Variants in LTBP1 observed in about 807,000 individuals in gnomAD.
LTBP1 encodes latent transforming growth factor beta binding protein 1.
LTBP1 carries 129 observed loss-of-function variants against 207.6 expected under a neutral mutation model. The ratio of observed to expected loss-of-function variants is 0.62; its 90% confidence interval spans 0.54 to 0.72. The LOEUF is 0.72. LTBP1 is among the 30% of genes least tolerant of loss of function. The pLI, the probability that LTBP1 is intolerant of heterozygous loss-of-function variation, is 0.00. For synonymous variants in LTBP1, 963 were observed against 833.7 expected (o/e 1.16, Z -2.67); for missense variants, 2,281 against 2,217.2 (o/e 1.03, Z -0.58).
At chr2:33,011,198 C>T (rs866244261) in intron 2 of LTBP1, among the ~76,000 whole-genome samples, 1 of 152,120 alleles carries the variant, frequency 6.6e-6, no homozygotes, top group African/African-American at 2.4e-5. Context: ...TACAGAAAGT[C>T]TGTACCAGTG....
chr2:32,949,621 T>C (rs1676801505), intron 2 of LTBP1, among the ~76,000 whole-genome samples: 1 of 152,242 alleles, frequency 6.6e-6, no homozygotes, highest in South Asian at 2.1e-4. Context: ...TTAAAATGTA[T>C]TTTGAGGTTC....
At chr2:33,164,641 G>T (rs937383273) in intron 5 of LTBP1, among the ~76,000 whole-genome samples, 2 of 152,102 alleles carry the variant, frequency 1.3e-5, no homozygotes, top group Non-Finnish European at 2.9e-5. Context: ...GACCCAAAAA[G>T]CTCTACTGGG....
intron 3 of LTBP1, among the ~76,000 whole-genome samples, chr2:33,062,608 A>G (rs1249300826): frequency 6.6e-6 from 1 of 152,156 alleles, no homozygotes; most frequent in African/African-American, 2.4e-5. Context: ...TCAGTTGACC[A>G]TATATATGTG....
intron 3 of LTBP1, among the ~76,000 whole-genome samples, chr2:33,030,357 C>A (rs749559948): frequency 2.0e-5 from 3 of 152,172 alleles, no homozygotes; most frequent in Non-Finnish European, 4.4e-5. Context: ...AACCATTTTC[C>A]CCTGCCCCAT....
At chr2:33,311,535 GAA>G (rs11450471) in intron 23 of LTBP1, among the ~76,000 whole-genome samples, 4 of 138,352 alleles carry the variant, frequency 2.9e-5, no homozygotes, top group African/African-American at 2.6e-5. Flanking sequence ...CCAAGAGATG[GAA>G]AAAAAAAAAA....
At chr2:33,348,184 C>G (rs1354607668) in intron 26 of LTBP1, among the ~76,000 whole-genome samples, 1 of 152,102 alleles carries the variant, frequency 6.6e-6, no homozygotes, top group Non-Finnish European at 1.5e-5. Context: ...CCTTTGAGAG[C>G]CAAGTAAAAT....
chr2:33,223,319 G>A (rs773354760), intron 9 of LTBP1, among the ~76,000 whole-genome samples: 4 of 152,248 alleles, frequency 2.6e-5, no homozygotes, highest in Middle Eastern at 3.4e-3. Flanking sequence ...TAACATAAAA[G>A]AATTTATTTA....
At chr2:33,122,830 T>C (rs1240483563) in intron 4 of LTBP1, among the ~76,000 whole-genome samples, 1 of 149,100 alleles carries the variant, frequency 6.7e-6, no homozygotes, top group African/African-American at 2.5e-5. Flanking sequence ...GCGTTCTGGG[T>C]TCTCTTGAGA....
At chr2:33,126,202 T>C (rs1426324832) in intron 4 of LTBP1, among the ~76,000 whole-genome samples, 4 of 152,200 alleles carry the variant, frequency 2.6e-5, no homozygotes, top group African/African-American at 9.6e-5. Flanking sequence ...ATGTAGTCTC[T>C]GAAGTTGCAA....
intron 12 of LTBP1, among the ~76,000 whole-genome samples, chr2:33,258,594 C>G (rs969198891): frequency 6.6e-6 from 1 of 152,196 alleles, no homozygotes; most frequent in Non-Finnish European, 1.5e-5. Flanking sequence ...CCCCTGGACA[C>G]TTAGTATCAT....
At chr2:33,381,048 A>G (rs2095208251) in intron 31 of LTBP1, among the ~76,000 whole-genome samples, 1 of 152,180 alleles carries the variant, frequency 6.6e-6, no homozygotes, top group South Asian at 2.1e-4. Context: ...CAGTTTGGAA[A>G]TTTAACATGC....
intron 2 of LTBP1, among the ~76,000 whole-genome samples, chr2:32,979,010 C>T (rs186810889): frequency 3.5e-4 from 53 of 151,980 alleles, no homozygotes; most frequent in Admixed American, 7.2e-4. Flanking sequence ...ATACTAGCCT[C>T]TAATCCTTTG....
At chr2:33,308,811 A>G (rs1045182486) in intron 22 of LTBP1, among the ~76,000 whole-genome samples, 6 of 152,168 alleles carry the variant, frequency 3.9e-5, no homozygotes, top group African/African-American at 1.2e-4. Flanking sequence ...ATTTTTTTCT[A>G]TAATGCATAA....
chr2:32,979,433 A>C (rs1572917751), intron 2 of LTBP1, among the ~76,000 whole-genome samples: 1 of 152,132 alleles, frequency 6.6e-6, no homozygotes, highest in East Asian at 1.9e-4. Flanking sequence ...ATTCCTTCTT[A>C]ACTTATTCAT....
chr2:33,005,109 CA>C (rs1686642307), intron 2 of LTBP1, among the ~76,000 whole-genome samples: 1 of 152,074 alleles, frequency 6.6e-6, no homozygotes, highest in Non-Finnish European at 1.5e-5. Flanking sequence ...GTGGAATTAG[CA>C]GAAGCCCTGG....
At chr2:32,992,192 C>G (rs1387048362) in intron 2 of LTBP1, among the ~76,000 whole-genome samples, 1 of 152,138 alleles carries the variant, frequency 6.6e-6, no homozygotes, top group Non-Finnish European at 1.5e-5. Context: ...TTGGTTCCTG[C>G]CATCCAAATG....
chr2:33,399,466 T>G lies in LTBP1; in HGVS notation c.*921T>G, dbSNP rs938926237. The G allele has an allele frequency of 4.6e-5, 7 of 152,228 alleles. No individual in the cohort carries two copies. The highest frequency in any genetic ancestry group is 1.0e-4 in the Non-Finnish European group (7 of 68,040). 9.4% of individuals were successfully genotyped at this position (152,228 alleles called of 1,614,324 possible). On this transcript the variant is annotated 3_prime_UTR_variant, in exon 34 of 34. Coordinates refer to ENST00000404816, the MANE Select transcript of LTBP1 (RefSeq NM_206943.4). ...GGTCTTCTGTTAATGTAGTGTCTTT[T>G]ACAAGTTAATCATTAAATTTGTTAG...
chr2:32,952,661 C>G (rs1350143202), intron 2 of LTBP1, among the ~76,000 whole-genome samples: 1 of 151,994 alleles, frequency 6.6e-6, no homozygotes, highest in Non-Finnish European at 1.5e-5. Flanking sequence ...TTTCTGCGCC[C>G]AAACTGAACC....
At chr2:33,048,977 G>T (rs2076587292) in intron 3 of LTBP1, among the ~76,000 whole-genome samples, 3 of 152,150 alleles carry the variant, frequency 2.0e-5, no homozygotes, top group Admixed American at 2.0e-4. Flanking sequence ...TTGTTGCCCT[G>T]CAGATAATTT....
Sources: allele counts gnomAD v4.1 joint callset (sites outside exome capture counted in the v4.1 genomes callset), GRCh38; gene constraint gnomAD v4.1.1; transcripts MANE v1.5; gene names NCBI Gene and HGNC (gene_info 2026-07-23, HGNC 2026-07-21).